Variants in WNT7B observed in about 807,000 individuals in gnomAD.
The protein encoded by WNT7B is protein Wnt-7b.
A neutral mutation model predicts 38.2 loss-of-function variants in WNT7B; 19 were observed. The ratio of observed to expected loss-of-function variants is 0.50; its 90% CI spans 0.35 to 0.73. WNT7B has a LOEUF of 0.73. WNT7B is among the 30% of genes least tolerant of loss of function. The pLI, the probability that WNT7B is intolerant of heterozygous loss-of-function variation, is 0.01. For synonymous variants in WNT7B, 243 were observed against 209.3 expected (o/e 1.16, Z -1.39); for missense variants, 423 against 507.9 (o/e 0.83, Z 1.61).
At chr22:45,967,858 C>T (rs537378129) in intron 1 of WNT7B, among the ~76,000 whole-genome samples, 1 of 152,178 alleles carries the variant, frequency 6.6e-6, no homozygotes, top group Non-Finnish European at 1.5e-5. Flanking sequence ...CCTCGCCCCC[C>T]ATCAGCACCT....
intron 2 of WNT7B, among the ~76,000 whole-genome samples, chr22:45,934,254 C>T (rs1021033809): frequency 2.2e-4 from 34 of 152,240 alleles, no homozygotes; most frequent in African/African-American, 7.9e-4. Flanking sequence ...GTCCTTCTGC[C>T]CCCAGCTTGG....
intron 2 of WNT7B, among the ~76,000 whole-genome samples, chr22:45,942,855 CTGTG>C (rs71190685): frequency 9.7e-4 from 146 of 151,078 alleles, no homozygotes; most frequent in African/African-American, 3.3e-3. Flanking sequence ...TGAGTGGGTG[CTGTG>C]TGTGTGTGTG....
chr22:45,959,716 C>G (rs1365765853), intron 1 of WNT7B, among the ~76,000 whole-genome samples: 3 of 152,190 alleles, frequency 2.0e-5, no homozygotes, highest in Non-Finnish European at 4.4e-5. Flanking sequence ...CCGCCTCGCT[C>G]TGGACTGGAC....
At chr22:45,954,590 GC>G in intron 1 of WNT7B, 1 of 985,318 alleles carries the variant, frequency 1.0e-6, no homozygotes, top group East Asian at 1.1e-4. Context: ...GGGGACTAGA[GC>G]CCCCAGCAGC....
rs924061115 is a variant in WNT7B, at chr22:45,931,177, C to T, written c.491G>A (p.Arg164Gln). Residue 164 changes from arginine to glutamine, a missense_variant, in exon 3 of 4, where the codon CGG (arginine) becomes CAG (glutamine). Transcript: ENST00000339464. ...GATCTCCCGAGCGTCCACGAAGCGCCGGGAGAAGTCGATGCCGTAACGCAC... is the reference window on the plus strand; with the variant it reads ...GATCTCCCGAGCGTCCACGAAGCGCTGGGAGAAGTCGATGCCGTAACGCAC... Reference protein sequence around the residue: ...ADVRYGIDFSRRFVDAREIKK... With the variant: ...ADVRYGIDFSQRFVDAREIKK... 4 of 1,599,500 alleles carry T rather than the reference C, an allele frequency of 2.5e-6. No individual in the cohort carries two copies. Among genetic ancestry groups the T allele is most frequent in the Non-Finnish European group, 2.5e-6 (3 of 1,179,622 alleles).
intron 2 of WNT7B, chr22:45,936,144 C>T: frequency 5.1e-6 from 5 of 985,466 alleles, no homozygotes; most frequent in Non-Finnish European, 6.0e-6. Context: ...GGTTCCAGCC[C>T]TGCGGCAGGA....
chr22:45,940,375 C>T (rs910859660), intron 2 of WNT7B, among the ~76,000 whole-genome samples: 40 of 152,250 alleles, frequency 2.6e-4, no homozygotes, highest in African/African-American at 7.9e-4. Context: ...CCACACCCAC[C>T]GGGACAGGGA....
chr22:45,942,135 T>C (rs1233358678), intron 2 of WNT7B, among the ~76,000 whole-genome samples: 5 of 152,086 alleles, frequency 3.3e-5, no homozygotes, highest in Non-Finnish European at 7.4e-5. Flanking sequence ...GGTGTAGAGA[T>C]TGAGACCAAG....
chr22:45,950,518 C>G (rs1431064099), intron 1 of WNT7B, among the ~76,000 whole-genome samples: 1 of 152,250 alleles, frequency 6.6e-6, no homozygotes, highest in African/African-American at 2.4e-5. Flanking sequence ...TCGGGACTGT[C>G]TGCGCTGTCT....
intron 2 of WNT7B, among the ~76,000 whole-genome samples, chr22:45,931,876 C>T (rs1457905852): frequency 1.3e-5 from 2 of 152,144 alleles, no homozygotes; most frequent in Non-Finnish European, 2.9e-5. Flanking sequence ...CCTGGGGCCA[C>T]GGGGAGCATG....
intron 1 of WNT7B, among the ~76,000 whole-genome samples, chr22:45,960,173 C>T (rs1326097543): frequency 2.0e-5 from 3 of 152,192 alleles, no homozygotes; most frequent in African/African-American, 7.2e-5. Flanking sequence ...TCTCCTTGGC[C>T]ACTTTGGCCA....
intron 3 of WNT7B, 93 bp downstream of exon 3, chr22:45,931,005 C>T (rs1050875436): frequency 2.4e-5 from 35 of 1,447,070 alleles, no homozygotes; most frequent in Non-Finnish European, 3.2e-5. Context: ...GACTCAACTG[C>T]TTCTGCTAGA....
chr22:45,946,625 G>A (rs1470365191), intron 2 of WNT7B, among the ~76,000 whole-genome samples: 6 of 152,182 alleles, frequency 3.9e-5, no homozygotes, highest in Non-Finnish European at 5.9e-5. Flanking sequence ...CTCCAGGCAC[G>A]AGGGGGACCA....
chr22:45,967,268 C>A (rs1290342275), intron 1 of WNT7B, among the ~76,000 whole-genome samples: 1 of 152,188 alleles, frequency 6.6e-6, no homozygotes, highest in Non-Finnish European at 1.5e-5. Flanking sequence ...TTTCATCTGA[C>A]AAGGGAGGGC....
chr22:45,953,228 G>A (rs1333721839), intron 1 of WNT7B, among the ~76,000 whole-genome samples: 3 of 46,100 alleles, frequency 6.5e-5, no homozygotes, highest in South Asian at 8.8e-4. Flanking sequence ...CCGTGTCCTC[G>A]GCTTCCCCTC....
chr22:45,932,987 C>T (rs907384492), intron 2 of WNT7B, among the ~76,000 whole-genome samples: 2 of 152,236 alleles, frequency 1.3e-5, no homozygotes, highest in African/African-American at 4.8e-5. Flanking sequence ...TGAGCACCAA[C>T]GGCATGCCCA....
intron 2 of WNT7B, among the ~76,000 whole-genome samples, chr22:45,941,187 T>C (rs1313648787): frequency 1.3e-5 from 2 of 151,910 alleles, no homozygotes; most frequent in Admixed American, 1.3e-4. Flanking sequence ...GATTAGCAAG[T>C]GGATCGGGTG....
At chr22:45,957,348 C>A (rs111660127) in intron 1 of WNT7B, among the ~76,000 whole-genome samples, 26 of 151,908 alleles carry the variant, frequency 1.7e-4, no homozygotes, top group African/African-American at 6.3e-4. Context: ...GGGGCAATAA[C>A]AAAGCAGGAA....
chr22:45,929,787 C>T (rs1321493981), intron 3 of WNT7B, among the ~76,000 whole-genome samples: 13 of 115,274 alleles, frequency 1.1e-4, no homozygotes, highest in African/African-American at 3.8e-4. Context: ...CATCCACCCA[C>T]CGATCCACTC....
Sources: gnomAD v4.1 joint callset for allele counts (sites outside exome capture counted in the v4.1 genomes callset) on GRCh38, gnomAD v4.1.1 for gene constraint, MANE v1.5 for transcripts, NCBI Gene and HGNC (gene_info 2026-07-23, HGNC 2026-07-21) for gene names.